The following EYS variants were observed in gnomAD, a reference collection of about 807,000 sequenced individuals.
The protein encoded by EYS is EGF-like photoreceptor maintenance factor.
Under a neutral mutation model 282.1 loss-of-function variants are expected in EYS, and 250 were observed. That is an observed-to-expected ratio of 0.89 (90% CI 0.80 to 0.98). EYS has a LOEUF of 0.98. EYS is among the 50% of genes least tolerant of loss of function. EYS has a pLI of 0.00. For missense variants in EYS, 4,016 were observed against 3,709.0 expected (o/e 1.08, Z -2.15); for synonymous variants, 1,355 against 1,282.9 (o/e 1.06, Z -1.20).
intron 33 of EYS, among the ~76,000 whole-genome samples, chr6:64,009,902 T>C (rs1364313424): frequency 6.6e-6 from 1 of 152,178 alleles, no homozygotes; most frequent in African/African-American, 2.4e-5. Flanking sequence ...GATGTGTTTT[T>C]GGTTTGTTTG....
intron 26 of EYS, among the ~76,000 whole-genome samples, chr6:64,482,929 T>C (rs547780941): frequency 6.6e-6 from 1 of 151,768 alleles, no homozygotes; most frequent in South Asian, 2.1e-4. Flanking sequence ...GCCATAGCAG[T>C]GGCAGCGTCC....
intron 2 of EYS, among the ~76,000 whole-genome samples, chr6:65,571,415 C>T (rs6455048): frequency 6.6e-6 from 1 of 151,708 alleles, no homozygotes. Context: ...GTCATATACT[C>T]TTTCTGGTAC....
At chr6:65,481,905 C>G (rs1310747576) in intron 5 of EYS, among the ~76,000 whole-genome samples, 1 of 151,982 alleles carries the variant, frequency 6.6e-6, no homozygotes, top group Non-Finnish European at 1.5e-5. Context: ...GTGGAGAACA[C>G]TTGGAAATAA....
In EYS at chr6:65,263,703, CTGTGTGTGTGTGTG is replaced by C. The variant is rs3042394; in HGVS notation, c.2023+32146_2023+32159del. Among the ~76,000 whole-genome samples the C allele has an allele frequency of 2.5e-4, 36 of 141,406 alleles. No individual in the cohort carries two copies. The East Asian group carries it at 4.2e-3, about 16-fold the overall frequency. 92.8% of individuals were successfully genotyped at this position (141,406 alleles called of 152,430 possible). A position where few individuals can be genotyped will look rare whatever the true frequency, so the allele number is the denominator to read the frequency against. ...CCTAAAAAGCAAAAACAAGGCAAAGCTGTGTGTGTGTGTGTGTGTGTGTGTGTGTGTGTGTGTAA... is the reference window on the plus strand; with the variant it reads ...CCTAAAAAGCAAAAACAAGGCAAAGCTGTGTGTGTGTGTGTGTGTGTGTAA... On this transcript the variant is annotated intron_variant, in intron 12 of 42. Transcript: ENST00000503581.
At chr6:63,937,522 A>G (rs1186724771) in intron 35 of EYS, among the ~76,000 whole-genome samples, 2 of 149,968 alleles carry the variant, frequency 1.3e-5, no homozygotes, top group Admixed American at 1.3e-4. Flanking sequence ...CTGGGACTAC[A>G]GGCGCCCGCC....
At chr6:64,667,883 C>T (rs1450127675) in intron 22 of EYS, among the ~76,000 whole-genome samples, 1 of 152,022 alleles carries the variant, frequency 6.6e-6, no homozygotes, top group Non-Finnish European at 1.5e-5. Context: ...GACTTTGAGC[C>T]AGTATTTGCA....
At chr6:63,824,716 G>A (rs1236855211) in intron 36 of EYS, among the ~76,000 whole-genome samples, 2 of 152,118 alleles carry the variant, frequency 1.3e-5, no homozygotes, top group Non-Finnish European at 2.9e-5. Context: ...CGAGCCAAGT[G>A]AAATACAGGG....
intron 2 of EYS, among the ~76,000 whole-genome samples, chr6:65,596,805 G>A (rs902713305): frequency 6.6e-6 from 1 of 151,994 alleles, no homozygotes; most frequent in Non-Finnish European, 1.5e-5. Flanking sequence ...GGATAACAAA[G>A]CATTTAAAAT....
intron 26 of EYS, among the ~76,000 whole-genome samples, chr6:64,519,330 G>A (rs13212221): frequency 0.3 from 45,617 of 151,592 alleles, 6,908 homozygotes; most frequent in East Asian, 0.47. Context: ...AAAAGGACAG[G>A]GGACTTTAGA....
chr6:65,285,596 A>T (rs1173067301), intron 12 of EYS, among the ~76,000 whole-genome samples: 3 of 152,010 alleles, frequency 2.0e-5, no homozygotes, highest in Non-Finnish European at 4.4e-5. Context: ...ACTTTCCTTC[A>T]GCAGCTTTTG....
intron 26 of EYS, among the ~76,000 whole-genome samples, chr6:64,508,480 A>C (rs751193647): frequency 1.3e-5 from 2 of 151,490 alleles, no homozygotes; most frequent in African/African-American, 2.4e-5. Context: ...ATTTTTCTTC[A>C]AGCCCTAAGA....
chr6:63,788,349 AT>A, intron 38 of EYS, 100 bp from the exon 39 acceptor site: 1 of 933,972 alleles, frequency 1.1e-6, no homozygotes, highest in Non-Finnish European at 1.6e-6. Flanking sequence ...GGCATGAAAA[AT>A]TTACAAAGAC....
rs528943621 is a variant in EYS, at chr6:65,314,975, A to G, written c.1767-18856T>C. ...TATCACCAAAACACTTCTCATTCCA[A>G]TGCTTGATAGTTATGGAATTTGCTG... On this transcript the variant is annotated intron_variant, in intron 11 of 42. Transcript: ENST00000503581. 3.9e-5 allele frequency among the ~76,000 whole-genome samples: 6 copies of G among 152,232 alleles called. No individual in the cohort carries two copies. The South Asian group carries it at 1.2e-3, about 32-fold the overall frequency.
At chr6:63,739,934 G>A (rs561709466) in intron 41 of EYS, among the ~76,000 whole-genome samples, 74 of 148,590 alleles carry the variant, frequency 5.0e-4, no homozygotes, top group African/African-American at 1.6e-3. Flanking sequence ...TCCTGACCTC[G>A]TGATCCACCC....
chr6:65,144,758 T>C (rs1764434696), intron 12 of EYS, among the ~76,000 whole-genome samples: 1 of 151,428 alleles, frequency 6.6e-6, no homozygotes. Context: ...TTTTACCCAT[T>C]AGTTTACTTA....
chr6:65,631,763 G>C (rs1179979447), intron 2 of EYS, among the ~76,000 whole-genome samples: 3 of 152,164 alleles, frequency 2.0e-5, no homozygotes, highest in East Asian at 1.9e-4. Context: ...AATTCGAGTA[G>C]AGTATAAGTA....
chr6:64,417,671 C>T (rs1246472283), intron 28 of EYS, among the ~76,000 whole-genome samples: 16 of 123,982 alleles, frequency 1.3e-4, no homozygotes, highest in South Asian at 5.0e-4. Context: ...TAAGGGTTGG[C>T]TTTTTTTTTT....
chr6:64,235,725 A>G (rs1368459793), intron 30 of EYS, among the ~76,000 whole-genome samples: 2 of 152,122 alleles, frequency 1.3e-5, no homozygotes, highest in Admixed American at 6.5e-5. Context: ...AAGTGTTCCA[A>G]TTTCTCCATA....
At chr6:64,738,232 C>G (rs1414162738) in intron 22 of EYS, among the ~76,000 whole-genome samples, 1 of 152,112 alleles carries the variant, frequency 6.6e-6, no homozygotes, top group African/African-American at 2.4e-5. Flanking sequence ...GGCTGGATCC[C>G]TCATGAATGG....
Sources: allele counts gnomAD v4.1 joint callset (sites outside exome capture counted in the v4.1 genomes callset), GRCh38; gene constraint gnomAD v4.1.1; transcripts MANE v1.5; gene names NCBI Gene and HGNC (gene_info 2026-07-23, HGNC 2026-07-21).